Variants in PSMB7 observed in about 807,000 individuals in gnomAD.
PSMB7 encodes proteasome subunit beta type-7.
PSMB7 carries 5 observed loss-of-function variants against 28.1 expected under a neutral mutation model. That is an observed-to-expected ratio of 0.18 (90% CI 0.09 to 0.37). The LOEUF is 0.37. Ranked by LOEUF, PSMB7 falls within the 10% of genes least tolerant of loss-of-function variation. PSMB7 has a pLI of 1.00. For synonymous variants in PSMB7, 122 were observed against 123.7 expected, an observed-to-expected ratio of 0.99 and a Z score of 0.09; for missense variants, 275 against 346.2, an observed-to-expected ratio of 0.79 and a Z score of 1.63.
At chr9:124,411,651 A>G (rs1831028619) in intron 4 of PSMB7, among the ~76,000 whole-genome samples, 1 of 152,260 alleles carries the variant, frequency 6.6e-6, no homozygotes, top group Non-Finnish European at 1.5e-5. Flanking sequence ...ATACAAACAT[A>G]AAGTAATGAC....
At chr9:124,391,559 T>C (rs550978994) in intron 5 of PSMB7, among the ~76,000 whole-genome samples, 1 of 152,238 alleles carries the variant, frequency 6.6e-6, no homozygotes, top group South Asian at 2.1e-4. Context: ...TTAAATGTTT[T>C]AAATGATTAA....
intron 3 of PSMB7, among the ~76,000 whole-genome samples, chr9:124,413,143 G>A (rs1198213224): frequency 1.8e-5 from 2 of 109,366 alleles, no homozygotes; most frequent in African/African-American, 3.8e-5. Context: ...TAGTGTGACC[G>A]CATCTCTCCC....
intron 4 of PSMB7, among the ~76,000 whole-genome samples, chr9:124,410,884 A>G (rs1001455190): frequency 2.6e-5 from 4 of 152,000 alleles, no homozygotes; most frequent in Non-Finnish European, 5.9e-5. Context: ...CAGAGCACCC[A>G]CTCCCACTTC....
chr9:124,386,105 A>G (rs1324668633), intron 5 of PSMB7, among the ~76,000 whole-genome samples: 2 of 152,056 alleles, frequency 1.3e-5, no homozygotes, highest in Admixed American at 1.3e-4. Context: ...TTGGGAGCAA[A>G]AGGCAACCCG....
chr9:124,387,115 G>A (rs192648468), intron 5 of PSMB7, among the ~76,000 whole-genome samples: 25 of 152,186 alleles, frequency 1.6e-4, no homozygotes, highest in South Asian at 6.2e-4. Flanking sequence ...GCATGGTGGT[G>A]GGCGCCTGTA....
chr9:124,371,853 T>C (rs966477771), intron 6 of PSMB7, among the ~76,000 whole-genome samples: 3 of 152,242 alleles, frequency 2.0e-5, no homozygotes, highest in Non-Finnish European at 2.9e-5. Flanking sequence ...CTCTCTCTGA[T>C]TCGTCTCTGG....
At position 124,414,945 on chromosome 9, in the gene PSMB7, A is replaced by T. The variant is rs769137878; in HGVS notation, c.63-10T>A. 6 of 1,594,730 alleles carry T rather than the reference A, an allele frequency of 3.8e-6. 1 individual carries two copies. In the East Asian group the frequency reaches 1.3e-4, roughly 36 times the overall value. On this transcript the variant is annotated splice_polypyrimidine_tract_variant and intron_variant, in intron 1 of 7. Transcript: ENST00000259457. ...TTCCAAGACGGCATTCCTAAGAGCAAATGAGAGAATCAAGTGTTGAAGGGC... is the reference window on the plus strand; with the variant it reads ...TTCCAAGACGGCATTCCTAAGAGCATATGAGAGAATCAAGTGTTGAAGGGC...
rs561923749 is a variant in PSMB7, at chr9:124,398,537, A to C, written c.511+6780T>G. 1.5e-5 allele frequency: 4 copies of C among 264,232 alleles called. No individual in the cohort carries two copies. In the Admixed American group the frequency reaches 2.3e-4, roughly 15 times the overall value. The allele number at this position is 264,232 out of a possible 1,614,324, so 16.4% of individuals were successfully genotyped here. ...TTTTGGGTAGTAAAATTGTGGAGAT[A>C]TATATGCATATATATAGTTTAATTT... is the stretch of plus-strand genomic sequence containing the variant. On this transcript the variant is annotated intron_variant, in intron 5 of 7. Coordinates refer to ENST00000259457, the MANE Select transcript of PSMB7 (RefSeq NM_002799.4).
At chr9:124,414,973 G>C (rs188042913) in intron 1 of PSMB7, 38 bp from the exon 2 acceptor site, 119 of 1,420,258 alleles carry the variant, frequency 8.4e-5, no homozygotes, top group African/African-American at 6.6e-4. Flanking sequence ...TGAAGGGCAG[G>C]ACCACATCGC....
intron 5 of PSMB7, among the ~76,000 whole-genome samples, chr9:124,389,717 C>T (rs1451305789): frequency 2.0e-5 from 3 of 152,188 alleles, no homozygotes; most frequent in Non-Finnish European, 4.4e-5. Flanking sequence ...CAAAGCTCCT[C>T]CTGCAACCAA....
At chr9:124,378,328 C>G (rs761631481) in intron 6 of PSMB7, among the ~76,000 whole-genome samples, 1 of 152,146 alleles carries the variant, frequency 6.6e-6, no homozygotes, top group African/African-American at 2.4e-5. Flanking sequence ...TGTGCTCACA[C>G]GATGTGTTTG....
At chr9:124,378,600 G>A (rs1830636245) in intron 6 of PSMB7, among the ~76,000 whole-genome samples, 1 of 152,164 alleles carries the variant, frequency 6.6e-6, no homozygotes, top group Non-Finnish European at 1.5e-5. Context: ...GGGCAGTATT[G>A]ATCTTGACAG....
chr9:124,396,850 G>A, intron 5 of PSMB7: 1 of 469,342 alleles, frequency 2.1e-6, no homozygotes. Context: ...AAGAAAAGCT[G>A]GCAAGTTCAA....
intron 6 of PSMB7, among the ~76,000 whole-genome samples, chr9:124,382,561 T>C (rs994754368): frequency 6.6e-6 from 1 of 152,178 alleles, no homozygotes; most frequent in Non-Finnish European, 1.5e-5. Flanking sequence ...TCAGTGTGCA[T>C]GTGGTTTCAA....
At chr9:124,372,058 A>G (rs768467197) in intron 6 of PSMB7, among the ~76,000 whole-genome samples, 5 of 152,264 alleles carry the variant, frequency 3.3e-5, no homozygotes, top group Non-Finnish European at 7.3e-5. Flanking sequence ...AAAACATTGC[A>G]TATTACAAAT....
chr9:124,384,497 T>G (rs926099031), intron 6 of PSMB7, 101 bp downstream of exon 6: 38 of 1,079,974 alleles, frequency 3.5e-5, no homozygotes, highest in Non-Finnish European at 4.4e-5. Flanking sequence ...CTAACAACAG[T>G]GCTGTACAAG....
At position 124,353,540 on chromosome 9, in the gene PSMB7, A is replaced by C. The variant is rs556621249; in HGVS notation, c.*58T>G. On this transcript the variant is annotated 3_prime_UTR_variant, in exon 8 of 8. Coordinates refer to ENST00000259457, the MANE Select transcript of PSMB7 (RefSeq NM_002799.4). Reference sequence around the variant, plus strand: ...CAAACACTAGCCACATGAGTGTCTTACTGGGCCTCAATGCTCACCACCTTC... The same window carrying C: ...CAAACACTAGCCACATGAGTGTCTTCCTGGGCCTCAATGCTCACCACCTTC... 569 of 1,228,846 alleles carry C rather than the reference A, an allele frequency of 4.6e-4. 7 individuals are homozygous for C. The highest frequency in any genetic ancestry group is 3.5e-3 in the South Asian group (294 of 82,990). 76.1% of individuals were successfully genotyped at this position (1,228,846 alleles called of 1,614,324 possible).
intron 1 of PSMB7, 46 bp downstream of exon 1, chr9:124,415,318 C>G (rs1831075369): frequency 1.3e-6 from 2 of 1,590,748 alleles, no homozygotes; most frequent in Non-Finnish European, 1.7e-6. Context: ...CACCCGAGCA[C>G]CGCACTCTTC....
intron 6 of PSMB7, among the ~76,000 whole-genome samples, chr9:124,366,540 C>T (rs1413876507): frequency 6.6e-6 from 1 of 152,214 alleles, no homozygotes; most frequent in Admixed American, 6.5e-5. Context: ...AAAAAGGTTA[C>T]GGTAATTACC....
Sources: allele counts gnomAD v4.1 joint callset (sites outside exome capture counted in the v4.1 genomes callset), GRCh38; gene constraint gnomAD v4.1.1; transcripts MANE v1.5; gene names NCBI Gene and HGNC (gene_info 2026-07-23, HGNC 2026-07-21).